KIF7: variants seen among roughly 807,000 people sequenced by gnomAD.
KIF7 encodes the protein kinesin family member 7, also known as kinesin-like protein KIF7.
In KIF7, 104 loss-of-function variants were observed where a neutral mutation model predicts 135.7. The ratio of observed to expected loss-of-function variants is 0.77; its 90% CI spans 0.65 to 0.90. The LOEUF is 0.90. Ranked by LOEUF, KIF7 falls within the 40% of genes least tolerant of loss-of-function variation. The pLI, the probability that KIF7 is intolerant of heterozygous loss-of-function variation, is 0.00. For synonymous variants in KIF7, 883 were observed against 809.4 expected (o/e 1.09, Z -1.54); for missense variants, 2,005 against 1,839.1 (o/e 1.09, Z -1.65).
Position 89,630,707 on chromosome 15 carries a change from T to A in KIF7, c.3112-214A>T, listed in dbSNP as rs1420102305. 8 of 610,684 alleles carry A rather than the reference T, an allele frequency of 1.3e-5. No homozygotes were observed. In the African/African-American group the frequency reaches 1.5e-4, roughly 11 times the overall value. The allele number at this position is 610,684 out of a possible 1,614,324, so 37.8% of individuals were successfully genotyped here. On this transcript the variant is annotated intron_variant, in intron 15 of 18. Coordinates refer to ENST00000394412, the MANE Select transcript of KIF7 (RefSeq NM_198525.3). ...GGGGCACTGCTCAGAGGTGGCCTGC[T>A]CAACTGCAAGCCTCTGTGAATGATC...
chr15:89,625,853 ACTTGGGAGTTGCTT>A, downstream of KIF7: 3 of 1,546,216 alleles, frequency 1.9e-6, no homozygotes, highest in Non-Finnish European at 2.6e-6. Context: ...ACAAGGAGGC[ACTTGGGAGTTGCTT>A]CTTGGGAGGC....
Position 89,621,436 on chromosome 15 carries a change from G to T in KIF7, c.181-3241C>A, listed in dbSNP as rs756678525. 3 of 1,613,960 alleles carry T rather than the reference G, an allele frequency of 1.9e-6. No homozygotes were observed. In the East Asian group the frequency reaches 6.7e-5, roughly 36 times the overall value. The stretch of plus-strand genomic sequence containing the variant: ...CAGTCCAAAGTATTCGGTCTCCCAA[G>T]AGTCTTCTTTTTGGGGCAATGTCTG... On this transcript the variant is annotated intron_variant and NMD_transcript_variant, in intron 1 of 2. Coordinates refer to the KIF7 transcript ENST00000558928.
intron 16 of KIF7, 104 bp downstream of exon 16, chr15:89,630,183 C>A: frequency 9.2e-7 from 1 of 1,084,060 alleles, no homozygotes; most frequent in East Asian, 2.5e-5. Context: ...ATTCTGTCCC[C>A]CAGTCTGGGA....
chr15:89,631,053 G>A, intron 15 of KIF7: 1 of 230,544 alleles, frequency 4.3e-6, no homozygotes, highest in Non-Finnish European at 8.6e-6. Context: ...ATAATTTTCT[G>A]GGAGCACCAT....
At chr15:89,638,168 A>G (rs1380484390) in intron 11 of KIF7, among the ~76,000 whole-genome samples, 1 of 138,046 alleles carries the variant, frequency 7.2e-6, no homozygotes, top group Non-Finnish European at 1.6e-5. Context: ...CATAAGAGCT[A>G]TCTATGACAA....
chr15:89,624,871 C>A, downstream of KIF7: 2 of 1,613,988 alleles, frequency 1.2e-6, no homozygotes, highest in Non-Finnish European at 1.7e-6. Flanking sequence ...TCCTCTGATG[C>A]CTTCCCGTGA....
chr15:89,623,824 A>G, downstream of KIF7: 2 of 1,613,948 alleles, frequency 1.2e-6, no homozygotes, highest in Admixed American at 1.7e-5. Context: ...ATTGGATTCA[A>G]AAATCACTCC....
At chr15:89,662,434 G>C in the KIF7 span, among the ~76,000 whole-genome samples, 26 of 152,298 alleles carry the variant, frequency 1.7e-4, no homozygotes, top group Admixed American at 1.3e-3. Flanking sequence ...GGGCATGGAG[G>C]TTGCAGTGAG....
chr15:89,653,706 T>G (rs535185117), intron 1 of KIF7, among the ~76,000 whole-genome samples: 1 of 152,152 alleles, frequency 6.6e-6, no homozygotes, highest in Non-Finnish European at 1.5e-5. Flanking sequence ...GCCTTCAGAG[T>G]AGCCGGGACC....
chr15:89,656,691 T>G (rs955496630), upstream of KIF7, among the ~76,000 whole-genome samples: 9 of 152,186 alleles, frequency 5.9e-5, no homozygotes, highest in Admixed American at 5.2e-4. Flanking sequence ...ACCAAGCATC[T>G]ATCTGTCAGA....
chr15:89,642,526 AC>A, intron 10 of KIF7, 121 bp from the exon 11 acceptor site: 1 of 648,882 alleles, frequency 1.5e-6, no homozygotes, highest in Non-Finnish European at 2.6e-6. Flanking sequence ...AAGCCTTTGC[AC>A]CACCAGTACC....
Sources: allele counts gnomAD v4.1 joint callset (sites outside exome capture counted in the v4.1 genomes callset), GRCh38; gene constraint gnomAD v4.1.1; transcripts MANE v1.5; gene names NCBI Gene and HGNC (gene_info 2026-07-23, HGNC 2026-07-21).